The following PCDH15 variants were observed in gnomAD, a reference collection of about 807,000 sequenced individuals.
PCDH15 encodes protocadherin-15.
A neutral mutation model predicts 178.5 loss-of-function variants in PCDH15; 129 were observed. The observed-to-expected ratio is 0.72, with a 90% confidence interval of 0.63 to 0.84. PCDH15 has a LOEUF of 0.84. Ranked by LOEUF, PCDH15 falls within the 40% of genes least tolerant of loss-of-function variation. The pLI, the probability that PCDH15 is intolerant of heterozygous loss-of-function variation, is 0.00. For synonymous variants in PCDH15, 800 were observed against 732.0 expected, an observed-to-expected ratio of 1.09 and a Z score of -1.50; for missense variants, 2,230 against 2,099.9, an observed-to-expected ratio of 1.06 and a Z score of -1.21.
At chr10:55,467,693 T>C (rs939866647) in intron 2 of PCDH15, among the ~76,000 whole-genome samples, 1 of 151,570 alleles carries the variant, frequency 6.6e-6, no homozygotes, top group African/African-American at 2.4e-5. Context: ...AGGCTGGGCG[T>C]GGTGGTTCAC....
In PCDH15 at chr10:53,933,348, C is replaced by A. The variant is rs1250924609; in HGVS notation, c.3373+5467G>T. Among the ~76,000 whole-genome samples the A allele has an allele frequency of 5.9e-5, 9 of 151,376 alleles. No individual in the cohort carries two copies. The South Asian group carries it at 1.3e-3, about 21-fold the overall frequency. The stretch of plus-strand genomic sequence containing the variant: ...CCTTCCCCCACCCCACAACAGTCCC[C>A]CGTGTGTGATGTTCCCCTTCTGTGT... On this transcript the variant is annotated intron_variant, in intron 25 of 37. Transcript: ENST00000644397.
intron 2 of PCDH15, among the ~76,000 whole-genome samples, chr10:55,385,004 G>T (rs968695336): frequency 1.3e-5 from 2 of 152,024 alleles, no homozygotes; most frequent in African/African-American, 4.8e-5. Context: ...ATTTGTAAAG[G>T]ATACATAATT....
intron 2 of PCDH15, among the ~76,000 whole-genome samples, chr10:55,334,466 C>A (rs906666374): frequency 1.5e-4 from 23 of 151,032 alleles, no homozygotes; most frequent in African/African-American, 5.6e-4. Flanking sequence ...TGCCACCATG[C>A]CTGGCTAATT....
chr10:55,468,038 C>T (rs1839874844), intron 2 of PCDH15, among the ~76,000 whole-genome samples: 1 of 149,308 alleles, frequency 6.7e-6, no homozygotes, highest in East Asian at 2.0e-4. Context: ...ACCCGATGGT[C>T]GTTTCTTAAC....
At chr10:54,019,734 C>G (rs528085447) in intron 20 of PCDH15, among the ~76,000 whole-genome samples, 50 of 152,212 alleles carry the variant, frequency 3.3e-4, no homozygotes, top group South Asian at 2.1e-3. Context: ...AATTTAACCT[C>G]AATTCCATCT....
chr10:54,753,563 A>T (rs1946625399), intron 1 of PCDH15, among the ~76,000 whole-genome samples: 1 of 152,194 alleles, frequency 6.6e-6, no homozygotes, highest in Admixed American at 6.5e-5. Flanking sequence ...ATTTGATCTT[A>T]CCAAGTCATT....
chr10:55,600,477 T>C (rs532227208), intron 2 of PCDH15, among the ~76,000 whole-genome samples: 22 of 152,262 alleles, frequency 1.4e-4, no homozygotes, highest in African/African-American at 5.3e-4. Context: ...CCAATAATTC[T>C]ATCAACAGGA....
intron 2 of PCDH15, among the ~76,000 whole-genome samples, chr10:55,595,991 C>A (rs1025715328): frequency 6.6e-6 from 1 of 152,008 alleles, no homozygotes; most frequent in Non-Finnish European, 1.5e-5. Flanking sequence ...ATTCTACTTG[C>A]ATAATCAACA....
chr10:55,356,178 C>A (rs562060655), intron 2 of PCDH15, among the ~76,000 whole-genome samples: 1 of 151,162 alleles, frequency 6.6e-6, no homozygotes, highest in South Asian at 2.1e-4. Context: ...TTGTTAATTT[C>A]TCAACACCTA....
intron 1 of PCDH15, among the ~76,000 whole-genome samples, chr10:55,247,478 T>C (rs764602091): frequency 2.6e-5 from 4 of 152,166 alleles, no homozygotes; most frequent in Non-Finnish European, 5.9e-5. Flanking sequence ...ATCCAGCATG[T>C]TATTTTTTGG....
intron 2 of PCDH15, among the ~76,000 whole-genome samples, chr10:55,073,093 G>T (rs946613956): frequency 7.2e-5 from 11 of 151,980 alleles, no homozygotes; most frequent in African/African-American, 2.4e-4. Context: ...TTGATGGGAC[G>T]TATCTCAAAA....
chr10:54,326,041 A>T (rs1035466519), intron 7 of PCDH15, among the ~76,000 whole-genome samples: 1 of 152,210 alleles, frequency 6.6e-6, no homozygotes, highest in Non-Finnish European at 1.5e-5. Context: ...TGGTATATAC[A>T]AAACAGTTAA....
At chr10:54,810,669 A>G (rs567071056) in intron 3 of PCDH15, among the ~76,000 whole-genome samples, 1 of 152,258 alleles carries the variant, frequency 6.6e-6, no homozygotes, top group East Asian at 1.9e-4. Context: ...TGTACAATGA[A>G]TGTGTTCTGC....
intron 3 of PCDH15, among the ~76,000 whole-genome samples, chr10:54,411,817 T>C (rs1407315924): frequency 1.3e-5 from 2 of 152,148 alleles, no homozygotes; most frequent in African/African-American, 2.4e-5. Context: ...TGATACAACT[T>C]GTCAGAGAGA....
intron 20 of PCDH15, among the ~76,000 whole-genome samples, chr10:54,004,872 A>G (rs952012031): frequency 7.2e-5 from 11 of 152,046 alleles, no homozygotes; most frequent in African/African-American, 2.6e-4. Context: ...GGAAAAAAAA[A>G]AACACCTGGA....
chr10:54,929,852 A>G (rs1301278977), intron 2 of PCDH15, among the ~76,000 whole-genome samples: 1 of 152,138 alleles, frequency 6.6e-6, no homozygotes, highest in Non-Finnish European at 1.5e-5. Flanking sequence ...TGCTCAGCTC[A>G]TTTGTTTCTA....
chr10:54,516,507 AG>A (rs1184655009), intron 3 of PCDH15, among the ~76,000 whole-genome samples: 2 of 152,052 alleles, frequency 1.3e-5, no homozygotes, highest in Non-Finnish European at 2.9e-5. Context: ...GGAAGTTTAG[AG>A]AAAAAAGAAT....
At chr10:54,431,664 A>C (rs573251187) in intron 3 of PCDH15, among the ~76,000 whole-genome samples, 1 of 152,190 alleles carries the variant, frequency 6.6e-6, no homozygotes, top group Non-Finnish European at 1.5e-5. Context: ...GAATGGGGAA[A>C]ACCTGAAAGC....
intron 9 of PCDH15, among the ~76,000 whole-genome samples, chr10:54,219,579 C>T (rs563412171): frequency 2.3e-5 from 2 of 85,962 alleles, no homozygotes; most frequent in Admixed American, 1.8e-4. Flanking sequence ...GGTAACAGAA[C>T]AAGACTCCAT....
Sources: allele counts gnomAD v4.1 joint callset (sites outside exome capture counted in the v4.1 genomes callset), GRCh38; gene constraint gnomAD v4.1.1; transcripts MANE v1.5; gene names NCBI Gene and HGNC (gene_info 2026-07-23, HGNC 2026-07-21).